Variants in APOB observed in about 807,000 individuals in gnomAD.
APOB encodes the protein apolipoprotein B-100.
In APOB, 153 loss-of-function variants were observed where a neutral mutation model predicts 314.1. The ratio of observed to expected loss-of-function variants is 0.49; its 90% CI spans 0.43 to 0.56. The LOEUF is 0.56. Ranked by LOEUF, APOB falls within the 20% of genes least tolerant of loss-of-function variation. The pLI is 0.00. For missense variants in APOB, 5,430 were observed against 5,350.7 expected, an observed-to-expected ratio of 1.01 and a Z score of -0.46; for synonymous variants, 2,087 against 2,036.4, an observed-to-expected ratio of 1.02 and a Z score of -0.67.
Position 21,001,790 on chromosome 2 carries a change from T to C in APOB, c.13632A>G (p.Ser4544=), listed in dbSNP as rs1264111478. The change falls in exon 29 of 29, where the codon TCA becomes TCG. Residue 4544 remains serine (S), a synonymous_variant. Coordinates refer to ENST00000233242, the MANE Select transcript of APOB (RefSeq NM_000384.3). ...TCATGTAGGGGTTCATGACTGTGGT[T>C]GATTGCAGCTTTTTCAGTAACTCCG... The part of the protein sequence containing the change: ...YITELLKKLQ[S]TTVMNPYMKL... 6.2e-7 allele frequency: 1 copy of C among 1,613,964 alleles called. No homozygotes were observed. The highest frequency in any genetic ancestry group is 8.5e-7 in the Non-Finnish European group (1 of 1,179,962).
In APOB at chr2:21,025,038, G is replaced by A; in HGVS notation, c.2331C>T (p.Leu777=). 6.2e-7 allele frequency: 1 copy of A among 1,614,248 alleles called. No individual in the cohort carries two copies. The highest frequency in any genetic ancestry group is 8.5e-7 in the Non-Finnish European group (1 of 1,180,050). ...SKEVPEARAY[L]RILGEELGFA... is the part of the protein sequence containing the mutation. ...AACCAAGCTCCTCTCCCAAGATGCG[G>A]AGGTAGGCTCTGGCTTCCGGGACTT... The change falls in exon 16 of 29, where the codon CTC becomes CTT. Residue 777 remains leucine (L), a synonymous_variant. Transcript: ENST00000233242.
chr2:21,030,732 C>G (rs1277909219), intron 10 of APOB, among the ~76,000 whole-genome samples: 6 of 151,684 alleles, frequency 4.0e-5, no homozygotes, highest in African/African-American at 1.5e-4. Flanking sequence ...AATGTACAAG[C>G]AATTCAAACA....
rs1456679362 is a variant in APOB at position 21,029,672 on chromosome 2, G to T, written c.1584C>A (p.Ile528=). ...TAGGCTCCATTTTCCGCAGAGCCTGGATGGCAGCTTTCTGGATCATCAGTG... is the reference window on the plus strand; with the variant it reads ...TAGGCTCCATTTTCCGCAGAGCCTGTATGGCAGCTTTCTGGATCATCAGTG... The part of the protein sequence containing the change: ...KPSLMIQKAA[I]QALRKMEPKD... The change falls in exon 12 of 29, where the codon ATC becomes ATA. Residue 528 remains isoleucine (I), a synonymous_variant. Transcript: ENST00000233242. The T allele has an allele frequency of 1.4e-5, 23 of 1,614,212 alleles. No homozygotes were observed. Among genetic ancestry groups the T allele is most frequent in the Non-Finnish European group, 1.8e-5 (21 of 1,180,040 alleles).
intron 13 of APOB, 131 bp from the exon 14 acceptor site, chr2:21,028,196 C>G (rs2103375308): frequency 8.9e-7 from 1 of 1,125,202 alleles, no homozygotes; most frequent in Non-Finnish European, 1.4e-6. Context: ...GTCTTTGGGT[C>G]TAGATCTGCT....
rs1572800644 is a variant in APOB, at chr2:21,035,610, T to C, written c.792A>G (p.Gln264=). 6.2e-7 allele frequency: 1 copy of C among 1,614,112 alleles called. No individual in the cohort carries two copies. Among genetic ancestry groups the C allele is most frequent in the East Asian group, 2.2e-5 (1 of 44,878 alleles). ...KHVAEAICKE[Q]HLFLPFSYKN... ...TGTAGGAGAAAGGCAGGAAGAGGTGTTGCTCCTTGCAGATGGCTTCTGCCA... is the reference window on the plus strand; with the variant it reads ...TGTAGGAGAAAGGCAGGAAGAGGTGCTGCTCCTTGCAGATGGCTTCTGCCA... Residue 264 remains glutamine (Q), a synonymous_variant, in exon 7 of 29, where the codon CAA becomes CAG. Transcript: ENST00000233242.
intron 7 of APOB, 131 bp downstream of exon 7, chr2:21,035,453 G>C: frequency 1.7e-6 from 2 of 1,206,822 alleles, no homozygotes; most frequent in Non-Finnish European, 1.2e-6. Flanking sequence ...GGGGGACAGG[G>C]AGGGGCGGCA....
At chr2:21,033,661 G>T in intron 8 of APOB, 143 bp from the exon 9 acceptor site, 2 of 748,550 alleles carry the variant, frequency 2.7e-6, no homozygotes, top group South Asian at 2.9e-5. Context: ...GCTAGATCTG[G>T]CTCTGCCATA....
intron 7 of APOB, 69 bp downstream of exon 7, chr2:21,035,515 G>C: frequency 2.5e-6 from 4 of 1,586,728 alleles, no homozygotes; most frequent in Non-Finnish European, 3.5e-6. Context: ...CTGGAACAGA[G>C]CACTTGAGAA....
chr2:21,040,926 A>T lies in APOB; in HGVS notation c.383+12T>A. 4 of 1,613,936 alleles carry T rather than the reference A, an allele frequency of 2.5e-6. No homozygotes were observed. The highest frequency in any genetic ancestry group is 3.4e-6 in the Non-Finnish European group (4 of 1,179,988). On this transcript the variant is annotated intron_variant, in intron 4 of 28. Transcript: ENST00000233242. ...CACACACATGCGTGTGCTCATGTAC[A>T]ACATGACTTACCTGGACATGGCTGC...
rs1307980669 is a variant in APOB, at chr2:21,015,245, T to G, written c.3524A>C (p.Glu1175Ala). 5 of 1,614,096 alleles carry G rather than the reference T, an allele frequency of 3.1e-6. No homozygotes were observed. In the East Asian group the frequency reaches 1.1e-4, roughly 36 times the overall value. ...VAWHYDEEKI[E>A]FEWNTGTNVD... ...ATTGGTGCCTGTGTTCCATTCAAAT[T>G]CAATCTTCTCTTCATCTGAAAATAC... Residue 1175 changes from glutamate (E) to alanine (A), a missense_variant, in exon 23 of 29, where the codon GAA becomes GCA. Around this residue, in one of 3 missense-constraint regions of APOB, gnomAD observed 2,085 missense variants for 2,079.7 expected, o/e 1.00. Coordinates refer to ENST00000233242, the MANE Select transcript of APOB (RefSeq NM_000384.3).
chr2:21,012,641 T>C lies in APOB; in HGVS notation c.4227A>G (p.Glu1409=), dbSNP rs1332860679. Residue 1409 remains glutamate (E), a synonymous_variant, in exon 26 of 29, where the codon GAA becomes GAG. Transcript: ENST00000233242. ...ACGTATTCTTGTGGTCATATGTTGT[T>C]TCTCCAGATCCTAACATAAAAATGA... is the stretch of plus-strand genomic sequence containing the variant. ...LLSYNVQGSG[E]TTYDHKNTFT... is the part of the protein sequence containing the mutation. 1 of 1,612,056 alleles carries C rather than the reference T, an allele frequency of 6.2e-7. No individual in the cohort carries two copies. The highest frequency in any genetic ancestry group is 1.3e-5 in the African/African-American group (1 of 74,930).
chr2:21,011,476 TTAAAG>T lies in APOB; in HGVS notation c.5387_5391del (p.Thr1796LysfsTer3). The T allele has an allele frequency of 6.2e-7, 1 of 1,614,210 alleles. No homozygotes were observed. The highest frequency in any genetic ancestry group is 8.5e-7 in the Non-Finnish European group (1 of 1,180,034). ...AGAGCATTGTATTTCAGGTCACTGT[TTAAAG>T]TAGTTACCAGAGAATAGGGCTGTAG... On this transcript the variant is annotated frameshift_variant, in exon 26 of 29. Transcript: ENST00000233242. LOFTEE classifies it high-confidence loss of function.
chr2:21,013,055 G>T, intron 25 of APOB, 105 bp downstream of exon 25: 3 of 1,378,784 alleles, frequency 2.2e-6, no homozygotes, highest in South Asian at 2.4e-5. Flanking sequence ...TAGCAAGGAA[G>T]ATTATCTGCT....
rs1211345970 is a variant in APOB at position 21,012,145 on chromosome 2, T to C, written c.4723A>G (p.Asn1575Asp). The stretch of plus-strand genomic sequence containing the variant: ...GTGGCAAAGTTCTTATACTTCCCAT[T>C]GGTGTCAGATTTTAAAGTCAGCTCG... ...NYELTLKSDT[N>D]GKYKNFATSN... Residue 1575 changes from asparagine (N) to aspartate (D), a missense_variant, in exon 26 of 29, where the codon AAT (asparagine) becomes GAT (aspartate). This residue lies in a region of APOB where 2,085 missense variants were observed against 2,079.7 expected (regional missense o/e 1.00). Coordinates refer to ENST00000233242, the MANE Select transcript of APOB (RefSeq NM_000384.3). The C allele has an allele frequency of 1.9e-6, 3 of 1,602,106 alleles. No homozygotes were observed. The highest frequency in any genetic ancestry group is 2.6e-6 in the Non-Finnish European group (3 of 1,173,558).
chr2:21,010,310 T>C lies in APOB; in HGVS notation c.6558A>G (p.Lys2186=). ...TYMIQFDQYI[K]DSYDLHDLKI... is the part of the protein sequence containing the mutation. ...TCAAATCATGTAAATCATAACTATC[T>C]TTAATATACTGATCAAATTGTATCA... is the stretch of plus-strand genomic sequence containing the variant. The change falls in exon 26 of 29, where the codon AAA becomes AAG. Residue 2186 remains lysine, a synonymous_variant. Transcript: ENST00000233242. The C allele has an allele frequency of 6.5e-7, 1 of 1,544,828 alleles. No individual in the cohort carries two copies. The highest frequency in any genetic ancestry group is 8.7e-7 in the Non-Finnish European group (1 of 1,147,578).
At chr2:21,014,744 T>C in intron 23 of APOB, 151 bp from the exon 24 acceptor site, 1 of 825,124 alleles carries the variant, frequency 1.2e-6, no homozygotes, top group East Asian at 2.6e-5. Context: ...ATTATGAATC[T>C]TCGTTGCCAG....
rs372230576 is a variant in APOB at position 21,037,235 on chromosome 2, G to A, written c.558C>T (p.Cys186=). 21 of 1,614,058 alleles carry A rather than the reference G, an allele frequency of 1.3e-5. No individual in the cohort carries two copies. Among genetic ancestry groups the A allele is most frequent in the Non-Finnish European group, 1.8e-5 (21 of 1,180,038 alleles). The part of the protein sequence containing the change: ...VLFLDTVYGN[C]STHFTVKTRK... ...TCGTCTTGACGGTAAAGTGAGTGGA[G>A]CAGTTTCCATACACGGTATCCTATG... The change falls in exon 6 of 29, where the codon TGC becomes TGT. Residue 186 remains cysteine, a synonymous_variant. Coordinates refer to ENST00000233242, the MANE Select transcript of APOB (RefSeq NM_000384.3).
At chr2:21,034,996 C>A in intron 7 of APOB, 95 bp from the exon 8 acceptor site, 1 of 787,104 alleles carries the variant, frequency 1.3e-6, no homozygotes, top group Non-Finnish European at 2.3e-6. Context: ...CTACCCAAGT[C>A]CTGCCCATCT....
chr2:21,024,545 G>T, intron 16 of APOB: 1 of 371,904 alleles, frequency 2.7e-6, no homozygotes, highest in Non-Finnish European at 4.8e-6. Flanking sequence ...CTTGAACCCG[G>T]AAGGCAGAGT....
Sources: gnomAD v4.1 joint callset for allele counts (sites outside exome capture counted in the v4.1 genomes callset) on GRCh38, gnomAD v4.1.1 for gene constraint, gnomAD v4.1.1 regional missense constraint, MANE v1.5 for transcripts, NCBI Gene and HGNC (gene_info 2026-07-23, HGNC 2026-07-21) for gene names.